Variants in ZNF678 observed in about 807,000 individuals in gnomAD.
ZNF678 encodes hypothetical protein MGC42493.
In ZNF678, 5 loss-of-function variants were observed where a neutral mutation model predicts 3.0. The ratio of observed to expected loss-of-function variants is 1.69; its 90% CI spans 0.88 to 3.56. The LOEUF is 3.56. Among genes scored for constraint, ZNF678 ranks in the 30% most tolerant of loss-of-function variants. ZNF678 has a pLI of 0.00. For synonymous variants in ZNF678, 218 were observed against 199.6 expected (o/e 1.09, Z -0.78); for missense variants, 593 against 605.0 (o/e 0.98, Z 0.21).
chr1:227,675,275 G>A (rs1659661669), intron 5 of ZNF678, among the ~76,000 whole-genome samples: 1 of 152,098 alleles, frequency 6.6e-6, no homozygotes, highest in Admixed American at 6.5e-5. Context: ...TGAGAAGGTG[G>A]CCATCTGCAA....
chr1:227,580,179 G>C (rs1657089802), intron 1 of ZNF678, among the ~76,000 whole-genome samples: 1 of 152,108 alleles, frequency 6.6e-6, no homozygotes, highest in Non-Finnish European at 1.5e-5. Flanking sequence ...GCTTTCTGCT[G>C]CTTCAGACCA....
chr1:227,602,628 A>C (rs1255673462), intron 1 of ZNF678, among the ~76,000 whole-genome samples: 3 of 152,254 alleles, frequency 2.0e-5, no homozygotes, highest in Non-Finnish European at 4.4e-5. Flanking sequence ...ATCTGAATAT[A>C]GCCAGAATTA....
intron 1 of ZNF678, among the ~76,000 whole-genome samples, chr1:227,576,125 G>A (rs1177699819): frequency 6.6e-6 from 1 of 152,194 alleles, no homozygotes; most frequent in African/African-American, 2.4e-5. Context: ...GCTTTTTGAT[G>A]TGCTGCTGGA....
Position 227,646,209 on chromosome 1 carries a change from G to A in ZNF678, c.-163-335G>A, listed in dbSNP as rs559865599. On this transcript the variant is annotated intron_variant, in intron 1 of 3. Coordinates refer to ENST00000343776, the MANE Select transcript of ZNF678 (RefSeq NM_001367909.1). ...TTGTTGTATGCGTTAAAATCTGAGA[G>A]GCACTTCAGATGATTTTTCCATCTG... Among the ~76,000 whole-genome samples the A allele has an allele frequency of 3.9e-5, 6 of 152,262 alleles. No homozygotes were observed. The East Asian group carries it at 7.7e-4, about 20-fold the overall frequency.
At chr1:227,586,143 G>T (rs1032185244) in intron 1 of ZNF678, among the ~76,000 whole-genome samples, 30 of 152,268 alleles carry the variant, frequency 2.0e-4, no homozygotes, top group African/African-American at 7.2e-4. Context: ...GATTGAGTCT[G>T]TGAATAACCA....
chr1:227,587,990 G>A (rs373566968), intron 1 of ZNF678, among the ~76,000 whole-genome samples: 2 of 151,564 alleles, frequency 1.3e-5, no homozygotes, highest in Admixed American at 6.6e-5. Context: ...CCTCCCCCCA[G>A]CCCCCCAACA....
chr1:227,592,105 A>G (rs564609004), intron 1 of ZNF678, among the ~76,000 whole-genome samples: 80 of 152,278 alleles, frequency 5.3e-4, no homozygotes, highest in African/African-American at 1.7e-3. Flanking sequence ...ACTGAGTCCA[A>G]TACCTCTACA....
intron 1 of ZNF678, among the ~76,000 whole-genome samples, chr1:227,575,482 G>A (rs913693609): frequency 6.6e-6 from 1 of 151,948 alleles, no homozygotes; most frequent in Admixed American, 6.6e-5. Flanking sequence ...GTATTTCTAG[G>A]GATGTTACTC....
intron 1 of ZNF678, among the ~76,000 whole-genome samples, chr1:227,606,099 G>A (rs1657861175): frequency 6.6e-6 from 1 of 152,210 alleles, no homozygotes; most frequent in South Asian, 2.1e-4. Context: ...ATAAGACACA[G>A]AGACAAAGTA....
At chr1:227,653,768 G>T (rs533901502) in intron 3 of ZNF678, among the ~76,000 whole-genome samples, 7 of 152,180 alleles carry the variant, frequency 4.6e-5, no homozygotes, top group African/African-American at 1.4e-4. Flanking sequence ...TGCTACACCT[G>T]ATGTCTGTCT....
chr1:227,594,947 TTGC>T (rs772082400), intron 1 of ZNF678, among the ~76,000 whole-genome samples: 1 of 152,188 alleles, frequency 6.6e-6, no homozygotes, highest in Non-Finnish European at 1.5e-5. Flanking sequence ...AGCAAAGCAG[TTGC>T]TGCTACAGAT....
chr1:227,579,925 A>T lies in ZNF678; in HGVS notation c.-164+16201A>T, dbSNP rs1040665661. On this transcript the variant is annotated intron_variant, in intron 1 of 3. Coordinates refer to ENST00000343776, the MANE Select transcript of ZNF678 (RefSeq NM_001367909.1). The stretch of plus-strand genomic sequence containing the variant: ...CACACTTCACTACAGATGCTTCTTT[A>T]TCAAACCCTTTGGGCTCTGCATCAG... 2.0e-5 allele frequency among the ~76,000 whole-genome samples: 3 copies of T among 152,270 alleles called. No homozygotes were observed. In the South Asian group the frequency reaches 6.2e-4, roughly 32 times the overall value.
At position 227,643,874 on chromosome 1, in the gene ZNF678, T is replaced by C. The variant is rs534655142; in HGVS notation, c.-163-2670T>C. 6.2e-5 allele frequency among the ~76,000 whole-genome samples: 9 copies of C among 144,474 alleles called. No homozygotes were observed. The South Asian group carries it at 1.8e-3, about 28-fold the overall frequency. 94.8% of individuals were successfully genotyped at this position (144,474 alleles called of 152,430 possible). On this transcript the variant is annotated intron_variant, in intron 1 of 3. Transcript: ENST00000343776. ...TTTTCTTTTCTTTTCTTTTTTTTTT[T>C]TTTTTTTGAGATGGAGTCTCGCTCT...
intron 1 of ZNF678, among the ~76,000 whole-genome samples, chr1:227,582,118 A>G (rs1053424543): frequency 6.6e-6 from 1 of 151,976 alleles, no homozygotes; most frequent in Non-Finnish European, 1.5e-5. Flanking sequence ...TTTTCTTATT[A>G]ATTTGCAAAT....
chr1:227,622,041 C>A (rs1658293390), intron 1 of ZNF678, among the ~76,000 whole-genome samples: 1 of 152,232 alleles, frequency 6.6e-6, no homozygotes, highest in Non-Finnish European at 1.5e-5. Context: ...AATGGCCCTG[C>A]AAAACCATCT....
intron 1 of ZNF678, among the ~76,000 whole-genome samples, chr1:227,644,085 G>A (rs1658896010): frequency 6.6e-6 from 1 of 151,622 alleles, no homozygotes; most frequent in Non-Finnish European, 1.5e-5. Context: ...AGTTGGTCTC[G>A]AACTCTGGAC....
At chr1:227,620,264 C>G (rs1465329579) in intron 1 of ZNF678, among the ~76,000 whole-genome samples, 2 of 152,068 alleles carry the variant, frequency 1.3e-5, no homozygotes, top group African/African-American at 4.8e-5. Flanking sequence ...GGCTGGTTAC[C>G]CAAGTTGCTC....
intron 2 of ZNF678, among the ~76,000 whole-genome samples, chr1:227,647,185 A>T (rs992065557): frequency 2.0e-5 from 3 of 152,222 alleles, no homozygotes; most frequent in African/African-American, 7.2e-5. Flanking sequence ...TGAACCTGAG[A>T]GGCAGAGGTT....
chr1:227,585,872 A>G (rs1224414698), intron 1 of ZNF678, among the ~76,000 whole-genome samples: 1 of 152,196 alleles, frequency 6.6e-6, no homozygotes, highest in Non-Finnish European at 1.5e-5. Context: ...TTCAGTGACC[A>G]CTTAAGACAA....
Sources: gnomAD v4.1 joint callset for allele counts (sites outside exome capture counted in the v4.1 genomes callset) on GRCh38, gnomAD v4.1.1 for gene constraint, MANE v1.5 for transcripts, NCBI Gene and HGNC (gene_info 2026-07-23, HGNC 2026-07-21) for gene names.